ZRANB3: variants seen among roughly 807,000 people sequenced by gnomAD.
ZRANB3 encodes the protein DNA annealing helicase and endonuclease ZRANB3.
ZRANB3 carries 125 observed loss-of-function variants against 133.8 expected under a neutral mutation model. That is an observed-to-expected ratio of 0.93 (90% CI 0.81 to 1.08). The LOEUF (loss-of-function observed/expected upper bound fraction) is 1.08. Ranked by LOEUF, ZRANB3 falls within the 50% of genes least tolerant of loss-of-function variation. The pLI is 0.00. For synonymous variants in ZRANB3, 387 were observed against 432.7 expected, an observed-to-expected ratio of 0.89 and a Z score of 1.31; for missense variants, 1,229 against 1,275.5, an observed-to-expected ratio of 0.96 and a Z score of 0.56.
chr2:135,373,737 G>A (rs986970310), intron 3 of ZRANB3, among the ~76,000 whole-genome samples: 6 of 131,552 alleles, frequency 4.6e-5, no homozygotes, highest in South Asian at 2.6e-4. Flanking sequence ...GCAGTGAACC[G>A]AGACTGCCCC....
chr2:135,200,841 C>T (rs1340054757), intron 20 of ZRANB3, among the ~76,000 whole-genome samples: 10 of 151,234 alleles, frequency 6.6e-5, no homozygotes, highest in Admixed American at 4.6e-4. Context: ...CTGCAACCTC[C>T]GCCCCACAGG....
intron 2 of ZRANB3, among the ~76,000 whole-genome samples, chr2:135,464,334 A>C (rs1402783900): frequency 6.6e-6 from 1 of 152,144 alleles, no homozygotes; most frequent in African/African-American, 2.4e-5. Flanking sequence ...GAGCTGGCTA[A>C]TACTGGTAGT....
chr2:135,273,358 T>C (rs1212775334), intron 9 of ZRANB3, among the ~76,000 whole-genome samples: 3 of 152,134 alleles, frequency 2.0e-5, no homozygotes, highest in African/African-American at 7.2e-5. Context: ...AAGTTAATTA[T>C]TAAAAAGAAT....
rs1243593643 is a variant in ZRANB3 at position 135,200,317 on chromosome 2, T to A, written c.*25A>T. 9 of 1,535,652 alleles carry A rather than the reference T, an allele frequency of 5.9e-6. No homozygotes were observed. The highest frequency in any genetic ancestry group is 1.7e-4 in the Middle Eastern group (1 of 5,946). ...AAGTCTTCCACATGTAAACCATTTG[T>A]CATTCATTCATATATTTTTCTACTT... On this transcript the variant is annotated 3_prime_UTR_variant, in exon 21 of 21. Coordinates refer to ENST00000264159, the MANE Select transcript of ZRANB3 (RefSeq NM_032143.4).
chr2:135,217,560 T>C lies in ZRANB3; in HGVS notation c.2400A>G (p.Gln800=). The C allele has an allele frequency of 6.2e-7, 1 of 1,613,874 alleles. No homozygotes were observed. The highest frequency in any genetic ancestry group is 1.1e-5 in the South Asian group (1 of 91,036). ...REWSSLTAMK[Q]RIIRKSGQLF... ...GCTGTCCACTTTTCCTGATTATCCT[T>C]TGCTTCATGGCAGTTAGACTACTCC... Residue 800 remains glutamine, a synonymous_variant, in exon 17 of 21, where the codon CAA becomes CAG. Coordinates refer to ENST00000264159, the MANE Select transcript of ZRANB3 (RefSeq NM_032143.4).
intron 2 of ZRANB3, among the ~76,000 whole-genome samples, chr2:135,501,913 G>A (rs1258527843): frequency 1.3e-5 from 2 of 151,962 alleles, no homozygotes; most frequent in Non-Finnish European, 2.9e-5. Context: ...TTTTCCCTTT[G>A]TAATAAATAA....
intron 12 of ZRANB3, among the ~76,000 whole-genome samples, chr2:135,239,400 A>G (rs1695449798): frequency 7.9e-6 from 1 of 125,938 alleles, no homozygotes; most frequent in African/African-American, 3.1e-5. Flanking sequence ...AATTTTATTT[A>G]CCACAGTATA....
At chr2:135,229,493 G>A (rs1055351021) in intron 13 of ZRANB3, among the ~76,000 whole-genome samples, 79 of 150,352 alleles carry the variant, frequency 5.3e-4, no homozygotes, top group Non-Finnish European at 5.0e-4. Flanking sequence ...TCAGCCTCCC[G>A]AGTAGCTGGG....
At chr2:135,348,018 G>A (rs994903704) in intron 5 of ZRANB3, among the ~76,000 whole-genome samples, 6 of 152,114 alleles carry the variant, frequency 3.9e-5, no homozygotes, top group African/African-American at 1.2e-4. Flanking sequence ...CAGCACTTTA[G>A]GAGGCTAAGA....
Position 135,356,713 on chromosome 2 carries a change from T to G in ZRANB3, c.181-3085A>C, listed in dbSNP as rs534943869. Among the ~76,000 whole-genome samples, 9 of 152,190 alleles carry G rather than the reference T, an allele frequency of 5.9e-5. No homozygotes were observed. The South Asian group carries it at 1.0e-3, about 18-fold the overall frequency. On this transcript the variant is annotated intron_variant, in intron 3 of 20. Coordinates refer to ENST00000264159, the MANE Select transcript of ZRANB3 (RefSeq NM_032143.4). ...TCTAACATGTTAAAAATTCTTGGGG[T>G]TTTTTTGTGTGTTTGTTTTTTAGAT...
rs568591604 is a variant in ZRANB3, at chr2:135,447,999, G to C, written c.161+56330C>G. ...TGGAAACTCTAGAGTATTGTACAAAGATGAAGAGTTGCCATAGTTTTGCCT... is the reference window on the plus strand; with the variant it reads ...TGGAAACTCTAGAGTATTGTACAAACATGAAGAGTTGCCATAGTTTTGCCT... On this transcript the variant is annotated intron_variant, in intron 2 of 20. Transcript: ENST00000264159. 1.6e-4 allele frequency among the ~76,000 whole-genome samples: 25 copies of C among 152,246 alleles called. No homozygotes were observed. In the South Asian group the frequency reaches 5.2e-3, roughly 32 times the overall value.
At chr2:135,405,248 T>A (rs1687953764) in intron 2 of ZRANB3, among the ~76,000 whole-genome samples, 1 of 152,144 alleles carries the variant, frequency 6.6e-6, no homozygotes, top group Non-Finnish European at 1.5e-5. Context: ...GGTAAAGGGA[T>A]AAGTTCAACA....
At chr2:135,277,526 T>C (rs1488462769) in intron 8 of ZRANB3, among the ~76,000 whole-genome samples, 3 of 151,900 alleles carry the variant, frequency 2.0e-5, no homozygotes, top group Non-Finnish European at 4.4e-5. Flanking sequence ...AAAAAACAGA[T>C]ATAAAGAAGA....
At chr2:135,338,589 A>G (rs749160171) in intron 6 of ZRANB3, among the ~76,000 whole-genome samples, 1 of 152,218 alleles carries the variant, frequency 6.6e-6, no homozygotes, top group Non-Finnish European at 1.5e-5. Context: ...ACACATATAC[A>G]TTTTAAAAAA....
chr2:135,248,920 C>CA (rs1466098337), intron 12 of ZRANB3, among the ~76,000 whole-genome samples: 3 of 150,882 alleles, frequency 2.0e-5, no homozygotes, highest in Admixed American at 6.6e-5. Flanking sequence ...ACAACAACAA[C>CA]AAAAAAAAGT....
intron 3 of ZRANB3, among the ~76,000 whole-genome samples, chr2:135,383,940 A>T (rs921963911): frequency 1.3e-5 from 2 of 152,218 alleles, no homozygotes; most frequent in African/African-American, 4.8e-5. Context: ...AGAACTAGAG[A>T]AGCAAAAGCG....
At chr2:135,517,023 A>C (rs561543252) in intron 1 of ZRANB3, among the ~76,000 whole-genome samples, 2 of 151,742 alleles carry the variant, frequency 1.3e-5, no homozygotes, top group East Asian at 3.9e-4. Context: ...CATTAAGTTG[A>C]TCTTCAATCT....
intron 2 of ZRANB3, among the ~76,000 whole-genome samples, chr2:135,471,718 C>T (rs1370009877): frequency 1.3e-5 from 2 of 151,992 alleles, no homozygotes. Flanking sequence ...TCAGTTTTCT[C>T]GATAGTACAT....
intron 8 of ZRANB3, among the ~76,000 whole-genome samples, chr2:135,292,728 G>A (rs952024130): frequency 2.0e-5 from 3 of 152,160 alleles, no homozygotes; most frequent in Non-Finnish European, 4.4e-5. Context: ...ATGGTTTTAG[G>A]TCTAACATTT....
Sources: gnomAD v4.1 joint callset for allele counts (sites outside exome capture counted in the v4.1 genomes callset) on GRCh38, gnomAD v4.1.1 for gene constraint, MANE v1.5 for transcripts, NCBI Gene and HGNC (gene_info 2026-07-23, HGNC 2026-07-21) for gene names.